The following WWOX variants were observed in gnomAD, a reference collection of about 807,000 sequenced individuals.
The protein encoded by WWOX is WW domain containing oxidoreductase, also known as WW domain-containing oxidoreductase.
Under a neutral mutation model 46.2 loss-of-function variants are expected in WWOX, and 69 were observed. The ratio of observed to expected loss-of-function variants is 1.49; its 90% confidence interval spans 1.23 to 1.82. The LOEUF (loss-of-function observed/expected upper bound fraction) is 1.82, where lower values mean the gene tolerates loss of function less well. Ranked by LOEUF, WWOX falls within the 40% of genes most tolerant of loss-of-function variation. WWOX has a pLI of 0.00. For missense variants in WWOX, 919 were observed against 542.6 expected, an observed-to-expected ratio of 1.69 and a Z score of -6.89; for synonymous variants, 359 against 202.6, an observed-to-expected ratio of 1.77 and a Z score of -6.56.
intron 5 of WWOX, among the ~76,000 whole-genome samples, chr16:78,225,777 G>C (rs555180480): frequency 5.3e-4 from 81 of 152,240 alleles, no homozygotes; most frequent in African/African-American, 1.9e-3. Context: ...CTTAATGCAT[G>C]AAATATTAGG....
intron 5 of WWOX, among the ~76,000 whole-genome samples, chr16:78,251,028 A>G (rs568862763): frequency 6.6e-6 from 1 of 152,284 alleles, no homozygotes; most frequent in Admixed American, 6.5e-5. Flanking sequence ...CCACACATTC[A>G]GGTGCATCTC....
chr16:78,306,795 C>G (rs888141649), intron 5 of WWOX, among the ~76,000 whole-genome samples: 1 of 151,510 alleles, frequency 6.6e-6, no homozygotes, highest in East Asian at 1.9e-4. Context: ...ACAATCCCCA[C>G]TGAGTCCCAT....
intron 8 of WWOX, among the ~76,000 whole-genome samples, chr16:78,454,356 TCG>T (rs1010650759): frequency 9.6e-3 from 105 of 10,944 alleles, no homozygotes; most frequent in Non-Finnish European, 0.017. Flanking sequence ...TTATGTATAT[TCG>T]TGTGTGTGTG....
chr16:78,719,297 C>T (rs904032492), intron 8 of WWOX, among the ~76,000 whole-genome samples: 4 of 152,208 alleles, frequency 2.6e-5, no homozygotes, highest in African/African-American at 7.2e-5. Flanking sequence ...TCTGGGGAGC[C>T]TTCCCTGTGG....
intron 8 of WWOX, among the ~76,000 whole-genome samples, chr16:78,572,815 G>GCCAC (rs2151575743): frequency 6.6e-6 from 1 of 152,160 alleles, no homozygotes; most frequent in African/African-American, 2.4e-5. Context: ...ACAGAATGGT[G>GCCAC]CCATGGCGAG....
intron 8 of WWOX, among the ~76,000 whole-genome samples, chr16:78,765,497 G>A (rs1597573274): frequency 6.6e-6 from 1 of 152,220 alleles, no homozygotes; most frequent in Non-Finnish European, 1.5e-5. Flanking sequence ...TGGCCAACAT[G>A]GTGAAACCCC....
intron 4 of WWOX, among the ~76,000 whole-genome samples, chr16:78,154,929 C>T (rs543128373): frequency 3.3e-5 from 5 of 152,106 alleles, no homozygotes; most frequent in Non-Finnish European, 7.3e-5. Context: ...CATCAAGTGC[C>T]TGCAGTGGCC....
At chr16:78,311,534 G>A (rs1159103544) in intron 5 of WWOX, among the ~76,000 whole-genome samples, 1 of 152,162 alleles carries the variant, frequency 6.6e-6, no homozygotes, top group East Asian at 1.9e-4. Context: ...CGTGTTAACT[G>A]TTTAATGACT....
chr16:78,352,971 C>T (rs910730148), intron 5 of WWOX, among the ~76,000 whole-genome samples: 3 of 152,162 alleles, frequency 2.0e-5, no homozygotes, highest in African/African-American at 7.2e-5. Context: ...AAATATTTCT[C>T]TCACTTACTT....
At chr16:78,997,127 G>T (rs1016907145) in intron 8 of WWOX, among the ~76,000 whole-genome samples, 1 of 151,918 alleles carries the variant, frequency 6.6e-6, no homozygotes. Flanking sequence ...ACATATGTTC[G>T]AGTGGTTCGT....
intron 8 of WWOX, among the ~76,000 whole-genome samples, chr16:79,128,669 A>G (rs145281799): frequency 8.4e-4 from 128 of 152,330 alleles, no homozygotes; most frequent in African/African-American, 3.1e-3. Flanking sequence ...GAGGAATTCT[A>G]ATGTTTTAAC....
intron 8 of WWOX, among the ~76,000 whole-genome samples, chr16:78,813,229 C>A (rs377154778): frequency 6.6e-6 from 1 of 152,016 alleles, no homozygotes; most frequent in Non-Finnish European, 1.5e-5. Flanking sequence ...ACCTACCTCA[C>A]AGAGATGTTT....
chr16:78,426,563 A>G (rs190230332), intron 7 of WWOX, among the ~76,000 whole-genome samples: 132 of 152,306 alleles, frequency 8.7e-4, no homozygotes, highest in African/African-American at 3.1e-3. Context: ...ATGTTAGTTT[A>G]TAGGGAGGCC....
chr16:78,783,391 G>A (rs2050377319), intron 8 of WWOX, among the ~76,000 whole-genome samples: 1 of 152,194 alleles, frequency 6.6e-6, no homozygotes, highest in South Asian at 2.1e-4. Flanking sequence ...GAGGGAAATT[G>A]TTAGCTACAC....
At chr16:78,776,323 G>C (rs1426467474) in intron 8 of WWOX, among the ~76,000 whole-genome samples, 1 of 152,050 alleles carries the variant, frequency 6.6e-6, no homozygotes, top group African/African-American at 2.4e-5. Context: ...GGCTGGGATA[G>C]GACCTTGGCA....
chr16:79,076,070 T>C (rs1344228652), intron 8 of WWOX, among the ~76,000 whole-genome samples: 2 of 152,214 alleles, frequency 1.3e-5, no homozygotes, highest in Non-Finnish European at 2.9e-5. Flanking sequence ...AGAAATTTGT[T>C]ACTTAGAAGA....
At chr16:79,062,098 C>A (rs187874845) in intron 8 of WWOX, among the ~76,000 whole-genome samples, 1 of 152,246 alleles carries the variant, frequency 6.6e-6, no homozygotes, top group East Asian at 1.9e-4. Context: ...CCTCCCCACC[C>A]CACGTGATCT....
chr16:78,377,255 G>C (rs2081852443), intron 5 of WWOX, among the ~76,000 whole-genome samples: 1 of 152,180 alleles, frequency 6.6e-6, no homozygotes, highest in Admixed American at 6.5e-5. Context: ...ATAAGATATA[G>C]GGCATGTTTA....
intron 5 of WWOX, among the ~76,000 whole-genome samples, chr16:78,185,436 A>C (rs1161783151): frequency 2.0e-5 from 3 of 152,130 alleles, no homozygotes; most frequent in Admixed American, 6.5e-5. Context: ...ACCACAGTGC[A>C]TACAAATCCT....
Sources: allele counts gnomAD v4.1 joint callset (sites outside exome capture counted in the v4.1 genomes callset), GRCh38; gene constraint gnomAD v4.1.1; transcripts MANE v1.5; gene names NCBI Gene and HGNC (gene_info 2026-07-23, HGNC 2026-07-21).